CDIPT: variants seen among roughly 807,000 people sequenced by gnomAD.
CDIPT encodes the protein CDP-diacylglycerol--inositol 3-phosphatidyltransferase, also known as PI synthase.
CDIPT carries 17 observed loss-of-function variants against 21.6 expected under a neutral mutation model. The ratio of observed to expected loss-of-function variants is 0.79; its 90% CI spans 0.54 to 1.18. The LOEUF is 1.18. CDIPT is among the 50% of genes most tolerant of loss of function. The probability of loss-of-function intolerance (pLI) is 0.00; values close to 1 mark genes in which losing one functional copy is unlikely to be tolerated. For missense variants in CDIPT, 254 were observed against 284.9 expected, an observed-to-expected ratio of 0.89 and a Z score of 0.78; for synonymous variants, 119 against 117.9, an observed-to-expected ratio of 1.01 and a Z score of -0.06.
chr16:29,862,047 C>G lies in CDIPT; in HGVS notation c.178+539G>C, dbSNP rs2067687814. On this transcript the variant is annotated intron_variant, in intron 2 of 5. Transcript: ENST00000219789. The surrounding 1 kb of genome is among the most constrained non-coding windows in gnomAD (Gnocchi z 6.7). The stretch of plus-strand genomic sequence containing the variant: ...CCCCTGGCCTGAATGGACTTGTATT[C>G]AGAGAGACCTCCAGCAGCGCCACCG... Among the ~76,000 whole-genome samples the G allele has an allele frequency of 6.6e-6, 1 of 152,152 alleles. No individual in the cohort carries two copies. The highest frequency in any genetic ancestry group is 2.4e-5 in the African/African-American group (1 of 41,412).
rs2067699461 is a variant in CDIPT at position 29,863,137 on chromosome 16, C to T, written c.-280G>A. The T allele has an allele frequency of 4.3e-6, 2 of 462,748 alleles. No individual in the cohort carries two copies. The highest frequency in any genetic ancestry group is 7.7e-6 in the Non-Finnish European group (2 of 260,646). 28.7% of individuals were successfully genotyped at this position (462,748 alleles called of 1,614,324 possible). On this transcript the variant is annotated 5_prime_UTR_variant, in exon 1 of 6. Coordinates refer to ENST00000219789, the MANE Select transcript of CDIPT (RefSeq NM_006319.5). Reference sequence around the variant, plus strand: ...CGCAGGCGCTCCGGGCCTCCAGCTGCGGTCGCCGCTGCTCCAGCTGCGCGT... The same window carrying T: ...CGCAGGCGCTCCGGGCCTCCAGCTGTGGTCGCCGCTGCTCCAGCTGCGCGT...
chr16:29,860,482 G>A, intron 4 of CDIPT, 99 bp downstream of exon 4: 1 of 779,610 alleles, frequency 1.3e-6, no homozygotes, highest in Non-Finnish European at 2.2e-6. Context: ...GGCAGGCCCT[G>A]CTCTGCGCCC....
chr16:29,858,494 G>T lies in CDIPT; in HGVS notation c.*695C>A, dbSNP rs1436013880. ...TTCTAGTGAGGGTAGAAAATATCAA[G>T]AATATAAATACATGTAGACAGTCAG... On this transcript the variant is annotated 3_prime_UTR_variant, in exon 6 of 6. Coordinates refer to ENST00000219789, the MANE Select transcript of CDIPT (RefSeq NM_006319.5). The T allele has an allele frequency of 6.6e-6, 1 of 152,154 alleles. No homozygotes were observed. The highest frequency in any genetic ancestry group is 2.4e-5 in the African/African-American group (1 of 41,408). 9.4% of individuals were successfully genotyped at this position (152,154 alleles called of 1,614,324 possible).
rs934658202 is a variant in CDIPT, at chr16:29,859,808, C to T, written c.415-285G>A. 2.6e-5 allele frequency among the ~76,000 whole-genome samples: 4 copies of T among 152,056 alleles called. No homozygotes were observed. Among genetic ancestry groups the T allele is most frequent in the Non-Finnish European group, 5.9e-5 (4 of 67,996 alleles). ...ATCACCTGAGGTCAGGAGTTTGGGA[C>T]CAGCCTGGCCAACGTGGCGAAACCC... On this transcript the variant is annotated intron_variant, in intron 4 of 5. Transcript: ENST00000219789. This position sits in a 1 kb window ranked among gnomAD's most constrained non-coding sequence, Gnocchi z 4.5.
Position 29,860,215 on chromosome 16 carries a change from C to T in CDIPT, c.414+366G>A, listed in dbSNP as rs555412037. The stretch of plus-strand genomic sequence containing the variant: ...ATCCTCCCACCTCAGCCTCCCAAAG[C>T]GCTGGGATTACAGGCATGAGCCACC... On this transcript the variant is annotated intron_variant, in intron 4 of 5. Coordinates refer to ENST00000219789, the MANE Select transcript of CDIPT (RefSeq NM_006319.5). Among the ~76,000 whole-genome samples the T allele has an allele frequency of 1.4e-4, 22 of 152,076 alleles. 2 individuals carry two copies. The highest frequency in any genetic ancestry group is 5.1e-4 in the African/African-American group (21 of 41,494).
chr16:29,859,019 A>G lies in CDIPT; in HGVS notation c.*170T>C, dbSNP rs532186849. 3 of 712,966 alleles carry G rather than the reference A, an allele frequency of 4.2e-6. No homozygotes were observed. Among genetic ancestry groups the G allele is most frequent in the East Asian group, 5.7e-5 (2 of 35,366 alleles). 44.2% of individuals were successfully genotyped at this position (712,966 alleles called of 1,614,324 possible). Reference sequence around the variant, plus strand: ...TCCCTGATTTGAGGCCCGGGTCCTCAGGATCCCAGAGAACGTGACGTCACC... The same window carrying G: ...TCCCTGATTTGAGGCCCGGGTCCTCGGGATCCCAGAGAACGTGACGTCACC... On this transcript the variant is annotated 3_prime_UTR_variant, in exon 6 of 6. Transcript: ENST00000219789. This position sits in a 1 kb window ranked among gnomAD's most constrained non-coding sequence, Gnocchi z 4.5.
At chr16:29,861,645 T>C in intron 2 of CDIPT, 1 of 713,430 alleles carries the variant, frequency 1.4e-6, no homozygotes, top group South Asian at 1.9e-5. Context: ...CCATCCTCCC[T>C]CTAAGCATGC....
In CDIPT at chr16:29,862,958, C is replaced by G. The variant is rs768183721; in HGVS notation, c.-101G>C. On this transcript the variant is annotated 5_prime_UTR_variant, in exon 1 of 6. Coordinates refer to ENST00000219789, the MANE Select transcript of CDIPT (RefSeq NM_006319.5). This position sits in a 1 kb window ranked among gnomAD's most constrained non-coding sequence, Gnocchi z 6.7. ...CCTCCGGCCCGGCGCATCGGCCGCACCACCTGCGCCCTGGACCCCGCCGCC... is the reference window on the plus strand; with the variant it reads ...CCTCCGGCCCGGCGCATCGGCCGCAGCACCTGCGCCCTGGACCCCGCCGCC... 7.4e-6 allele frequency: 10 copies of G among 1,352,666 alleles called. No individual in the cohort carries two copies. In the African/African-American group the frequency reaches 1.4e-4, roughly 19 times the overall value. The allele number at this position is 1,352,666 out of a possible 1,614,324, so 83.8% of individuals were successfully genotyped here. A position where few individuals can be genotyped will look rare whatever the true frequency, so the allele number is the denominator to read the frequency against.
intron 2 of CDIPT, chr16:29,861,525 G>T: frequency 6.5e-7 from 1 of 1,533,138 alleles, no homozygotes; most frequent in South Asian, 1.2e-5. Flanking sequence ...CCAGAACCAA[G>T]ACTCCAGGGC....
chr16:29,861,423 G>T lies in CDIPT; in HGVS notation c.179-164C>A, dbSNP rs1368737393. 3 of 1,541,640 alleles carry T rather than the reference G, an allele frequency of 1.9e-6. No homozygotes were observed. The South Asian group carries it at 3.6e-5, about 18-fold the overall frequency. On this transcript the variant is annotated intron_variant, in intron 2 of 5. Coordinates refer to ENST00000219789, the MANE Select transcript of CDIPT (RefSeq NM_006319.5). ...AACAGGCTGTGTGTGAGGTCAGTGG[G>T]CAAAGGTCACCATGGCATGAACTGA...
chr16:29,858,629 A>G lies in CDIPT; in HGVS notation c.*560T>C, dbSNP rs2067651918. 6.5e-6 allele frequency: 1 copy of G among 154,526 alleles called. No homozygotes were observed. The highest frequency in any genetic ancestry group is 6.3e-5 in the Admixed American group (1 of 15,872). 9.6% of individuals were successfully genotyped at this position (154,526 alleles called of 1,614,324 possible). On this transcript the variant is annotated 3_prime_UTR_variant, in exon 6 of 6. Coordinates refer to ENST00000219789, the MANE Select transcript of CDIPT (RefSeq NM_006319.5). ...GAGAAGCCAGCCAGCAAACTGGAGG[A>G]AAAGCACCCAGACGGACGTCCTTCC...
In CDIPT at chr16:29,862,905, C is replaced by A; in HGVS notation, c.-48G>T. On this transcript the variant is annotated 5_prime_UTR_variant, in exon 1 of 6. Coordinates refer to ENST00000219789, the MANE Select transcript of CDIPT (RefSeq NM_006319.5). This position sits in a 1 kb window ranked among gnomAD's most constrained non-coding sequence, Gnocchi z 6.7. ...CGGGCCTGCTCTGGAGATGCCAGTG[C>A]TGTCCCAGCCCCGCAGCGCGGCCTC... The A allele has an allele frequency of 4.4e-6, 7 of 1,605,984 alleles. No homozygotes were observed. The highest frequency in any genetic ancestry group is 6.0e-6 in the Non-Finnish European group (7 of 1,174,080).
At chr16:29,860,488 C>A in intron 4 of CDIPT, 93 bp downstream of exon 4, 1 of 810,256 alleles carries the variant, frequency 1.2e-6, no homozygotes, top group South Asian at 1.5e-5. Flanking sequence ...CCCTGCTCTG[C>A]GCCCTCGCCT....
chr16:29,862,799 C>T lies in CDIPT; in HGVS notation c.43+16G>A. ...CTCGCCCTCTCGTTCGGCCCGGGGC[C>T]GTGGGCAGCACTCACCGATGAGGTT... On this transcript the variant is annotated intron_variant, in intron 1 of 5. Coordinates refer to ENST00000219789, the MANE Select transcript of CDIPT (RefSeq NM_006319.5). This position sits in a 1 kb window ranked among gnomAD's most constrained non-coding sequence, Gnocchi z 6.7. 6.2e-7 allele frequency: 1 copy of T among 1,614,026 alleles called. No individual in the cohort carries two copies. Among genetic ancestry groups the T allele is most frequent in the Non-Finnish European group, 8.5e-7 (1 of 1,179,992 alleles).
chr16:29,859,628 T>C lies in CDIPT; in HGVS notation c.415-105A>G, dbSNP rs2067663905. On this transcript the variant is annotated intron_variant, in intron 4 of 5. Coordinates refer to ENST00000219789, the MANE Select transcript of CDIPT (RefSeq NM_006319.5). The surrounding 1 kb of genome is among the most constrained non-coding windows in gnomAD (Gnocchi z 4.5). ...CAATCTCGGCATATTACTTCTCTTA[T>C]TTTTTTTTCTTTTTTACAGACAGGG... The C allele has an allele frequency of 4.2e-6, 3 of 715,018 alleles. No individual in the cohort carries two copies. The highest frequency in any genetic ancestry group is 2.4e-6 in the Non-Finnish European group (1 of 409,656). 44.3% of individuals were successfully genotyped at this position (715,018 alleles called of 1,614,324 possible).
At position 29,862,925 on chromosome 16, in the gene CDIPT, G is replaced by A; in HGVS notation, c.-68C>T. On this transcript the variant is annotated 5_prime_UTR_variant, in exon 1 of 6. Transcript: ENST00000219789. The surrounding 1 kb of genome is among the most constrained non-coding windows in gnomAD (Gnocchi z 6.7). ...CAGTGCTGTCCCAGCCCCGCAGCGC[G>A]GCCTCAGCCTCCGGCCCGGCGCATC... The A allele has an allele frequency of 6.3e-7, 1 of 1,578,608 alleles. No homozygotes were observed. The highest frequency in any genetic ancestry group is 1.3e-5 in the African/African-American group (1 of 74,098).
Position 29,862,657 on chromosome 16 carries a change from G to T in CDIPT, c.107C>A (p.Ala36Asp). ...GCCGCTGAGCAGGTAGAAGGAGGAG[G>T]CCGTGAGGGGGCAGCAGGGCATGAA... ...FYFMPCCPLT[A>D]SSFYLLSGLL... The change falls in exon 2 of 6, where the codon GCC (alanine) becomes GAC (aspartate). Residue 36 changes from alanine (A) to aspartate (D), a missense_variant. By Grantham distance (126) the Ala-to-Asp change is moderately radical (BLOSUM62 -2). Coordinates refer to ENST00000219789, the MANE Select transcript of CDIPT (RefSeq NM_006319.5). The surrounding 1 kb of genome is among the most constrained non-coding windows in gnomAD (Gnocchi z 6.7). The T allele has an allele frequency of 6.2e-7, 1 of 1,613,198 alleles. No individual in the cohort carries two copies. The highest frequency in any genetic ancestry group is 8.5e-7 in the Non-Finnish European group (1 of 1,179,562).
Position 29,860,635 on chromosome 16 carries a change from G to A in CDIPT, c.360C>T (p.His120=). Residue 120 remains histidine, a synonymous_variant, in exon 4 of 6, where the codon CAC becomes CAT. Transcript: ENST00000219789. The part of the protein sequence containing the change: ...HSSVVRGSES[H]KMIDLSGNPV... ...GATTCCCGGACAAGTCGATCATCTT[G>A]TGACTCTCACTGCCTCGGACCACAG... 1 of 1,612,868 alleles carries A rather than the reference G, an allele frequency of 6.2e-7. No individual in the cohort carries two copies. The highest frequency in any genetic ancestry group is 8.5e-7 in the Non-Finnish European group (1 of 1,179,064).
In CDIPT at chr16:29,859,577, CT is replaced by C. The variant is rs2067663133; in HGVS notation, c.415-55del. 1.7e-6 allele frequency: 2 copies of C among 1,203,838 alleles called. No individual in the cohort carries two copies. The highest frequency in any genetic ancestry group is 1.2e-5 in the South Asian group (1 of 81,364). The allele number at this position is 1,203,838 out of a possible 1,614,324, so 74.6% of individuals were successfully genotyped here. A position where few individuals can be genotyped will look rare whatever the true frequency, so the allele number is the denominator to read the frequency against. ...GCAAGAGGCAGGCGTGTGCCACCCC[CT>C]GCCCCCCCAGCACTAATGAAGGCAC... On this transcript the variant is annotated intron_variant, in intron 4 of 5. Transcript: ENST00000219789. The surrounding 1 kb of genome is among the most constrained non-coding windows in gnomAD (Gnocchi z 4.5).
Sources: allele counts gnomAD v4.1 joint callset (sites outside exome capture counted in the v4.1 genomes callset), GRCh38; gene constraint gnomAD v4.1.1; non-coding constraint Gnocchi (gnomAD v3.1); transcripts MANE v1.5; gene names NCBI Gene and HGNC (gene_info 2026-07-23, HGNC 2026-07-21).